The following SNTG1 variants were observed in gnomAD, a reference collection of about 807,000 sequenced individuals.
SNTG1 encodes the protein gamma-1-syntrophin.
In SNTG1, 39 loss-of-function variants were observed where a neutral mutation model predicts 74.7. The ratio of observed to expected loss-of-function variants is 0.52; its 90% CI spans 0.40 to 0.68. The LOEUF (loss-of-function observed/expected upper bound fraction) is 0.68. SNTG1 is among the 30% of genes least tolerant of loss of function. The probability of loss-of-function intolerance (pLI) is 0.00; values close to 1 mark genes in which losing one functional copy is unlikely to be tolerated. For missense variants in SNTG1, 685 were observed against 609.5 expected (o/e 1.12, Z -1.30); for synonymous variants, 254 against 217.1 (o/e 1.17, Z -1.49).
At chr8:50,546,796 G>T in intron 11 of SNTG1, among the ~76,000 whole-genome samples, 1 of 151,902 alleles carries the variant, frequency 6.6e-6, no homozygotes, top group East Asian at 1.9e-4. Flanking sequence ...TGGACATTTG[G>T]GTTGGTTCCA....
chr8:50,622,407 G>A (rs1451433089), intron 13 of SNTG1, among the ~76,000 whole-genome samples: 1 of 151,988 alleles, frequency 6.6e-6, no homozygotes, highest in Admixed American at 6.6e-5. Flanking sequence ...ATAATCTGTA[G>A]GTTTTTTTCC....
At chr8:50,627,188 G>A (rs567038672) in intron 13 of SNTG1, among the ~76,000 whole-genome samples, 2 of 152,218 alleles carry the variant, frequency 1.3e-5, no homozygotes, top group East Asian at 3.9e-4. Flanking sequence ...AAACTTTCCT[G>A]AGTCACTTTG....
intron 1 of SNTG1, among the ~76,000 whole-genome samples, chr8:50,084,383 C>A (rs1822686036): frequency 6.6e-6 from 1 of 152,136 alleles, no homozygotes; most frequent in African/African-American, 2.4e-5. Flanking sequence ...TTGCTTGAAT[C>A]CTGAAGGCGG....
intron 9 of SNTG1, among the ~76,000 whole-genome samples, chr8:50,509,778 C>G (rs916445862): frequency 6.6e-6 from 1 of 152,082 alleles, no homozygotes; most frequent in Non-Finnish European, 1.5e-5. Context: ...TATCCTGAGA[C>G]TTTGCTGAAG....
In SNTG1 at chr8:50,713,152, C is replaced by T. The variant is rs549918826; in HGVS notation, c.1284+4174C>T. Among the ~76,000 whole-genome samples, 7 of 152,306 alleles carry T rather than the reference C, an allele frequency of 4.6e-5. No homozygotes were observed. The South Asian group carries it at 1.2e-3, about 27-fold the overall frequency. ...AAGTATTCCTATTTCTCCACATCCT[C>T]GCCAGCATCTGTTGTTTCCTGACTT... On this transcript the variant is annotated intron_variant, in intron 17 of 18. Coordinates refer to ENST00000642720, the MANE Select transcript of SNTG1 (RefSeq NM_018967.5).
chr8:50,410,408 C>T (rs551600683), intron 4 of SNTG1, among the ~76,000 whole-genome samples: 34 of 152,220 alleles, frequency 2.2e-4, no homozygotes, highest in Non-Finnish European at 4.4e-4. Context: ...AAAAAAAACT[C>T]TTGTATGCCA....
chr8:50,695,436 C>A (rs1001569452), intron 15 of SNTG1, among the ~76,000 whole-genome samples: 4 of 151,692 alleles, frequency 2.6e-5, no homozygotes, highest in Non-Finnish European at 5.9e-5. Context: ...AATAATTATT[C>A]CTAAATGAAG....
intron 1 of SNTG1, among the ~76,000 whole-genome samples, chr8:49,979,514 C>A (rs558956373): frequency 3.0e-4 from 45 of 152,312 alleles, no homozygotes; most frequent in Admixed American, 1.0e-3. Context: ...CACTTCCCCC[C>A]GATCCTCCTC....
intron 13 of SNTG1, among the ~76,000 whole-genome samples, chr8:50,617,577 T>C (rs2094893324): frequency 6.6e-6 from 1 of 152,076 alleles, no homozygotes; most frequent in African/African-American, 2.4e-5. Context: ...AGACACCAAG[T>C]TAAAGAAGGA....
At chr8:50,115,884 C>T (rs1563618269) in intron 1 of SNTG1, among the ~76,000 whole-genome samples, 1 of 152,002 alleles carries the variant, frequency 6.6e-6, no homozygotes, top group Non-Finnish European at 1.5e-5. Flanking sequence ...GCCCCCCAAC[C>T]CCCAGTGGAG....
chr8:50,587,037 T>C (rs1175310391), intron 12 of SNTG1, among the ~76,000 whole-genome samples: 1 of 152,106 alleles, frequency 6.6e-6, no homozygotes, highest in Admixed American at 6.5e-5. Flanking sequence ...TGTCTACTTA[T>C]GTATGCACAT....
At chr8:50,765,248 T>C (rs2095610775) in intron 18 of SNTG1, among the ~76,000 whole-genome samples, 1 of 152,070 alleles carries the variant, frequency 6.6e-6, no homozygotes, top group African/African-American at 2.4e-5. Flanking sequence ...GGCTTTTCTG[T>C]AGCATTTGGC....
chr8:50,599,402 T>C (rs557410767), intron 13 of SNTG1, among the ~76,000 whole-genome samples: 63 of 152,228 alleles, frequency 4.1e-4, no homozygotes, highest in African/African-American at 1.5e-3. Context: ...GTAAAGAATG[T>C]CATTGGCATT....
At chr8:50,604,093 T>G (rs1381138751) in intron 13 of SNTG1, among the ~76,000 whole-genome samples, 1 of 152,182 alleles carries the variant, frequency 6.6e-6, no homozygotes, top group Non-Finnish European at 1.5e-5. Context: ...GGTTCAGACA[T>G]GTTTTCTAGG....
intron 15 of SNTG1, among the ~76,000 whole-genome samples, chr8:50,674,611 A>C (rs1242172235): frequency 6.6e-6 from 1 of 151,652 alleles, no homozygotes; most frequent in Admixed American, 6.6e-5. Flanking sequence ...TTTTTTCAAA[A>C]AACCAGCACC....
chr8:50,079,304 G>A (rs1356724904), intron 1 of SNTG1, among the ~76,000 whole-genome samples: 1 of 152,074 alleles, frequency 6.6e-6, no homozygotes, highest in African/African-American at 2.4e-5. Flanking sequence ...TTTCTCTAAT[G>A]ACCAGTGATA....
At chr8:50,672,227 A>C (rs7818897) in intron 15 of SNTG1, among the ~76,000 whole-genome samples, 1 of 152,006 alleles carries the variant, frequency 6.6e-6, no homozygotes, top group Non-Finnish European at 1.5e-5. Flanking sequence ...ATCAAATGGT[A>C]TTTCTGATGC....
At chr8:49,952,416 G>A (rs1809806159) in intron 1 of SNTG1, among the ~76,000 whole-genome samples, 1 of 152,136 alleles carries the variant, frequency 6.6e-6, no homozygotes, top group Non-Finnish European at 1.5e-5. Context: ...CATGGTGAGA[G>A]GCATTCCACA....
Position 50,124,720 on chromosome 8 carries a change from T to A in SNTG1, c.-102-47841T>A, listed in dbSNP as rs916468037. On this transcript the variant is annotated intron_variant, in intron 1 of 18. Transcript: ENST00000642720. ...CCATGCCAAATTACCTCCAAGGGCT[T>A]TCCCTGCTTCTGCTTGTGCTAGGCA... Among the ~76,000 whole-genome samples, 2 of 141,080 alleles carry A rather than the reference T, an allele frequency of 1.4e-5. 1 individual carries two copies. Among genetic ancestry groups the A allele is most frequent in the Non-Finnish European group, 3.1e-5 (2 of 63,524 alleles). 92.6% of individuals were successfully genotyped at this position (141,080 alleles called of 152,430 possible).
Sources: allele counts gnomAD v4.1 joint callset (sites outside exome capture counted in the v4.1 genomes callset), GRCh38; gene constraint gnomAD v4.1.1; transcripts MANE v1.5; gene names NCBI Gene and HGNC (gene_info 2026-07-23, HGNC 2026-07-21).